Variants in PKIA observed in about 807,000 individuals in gnomAD.
PKIA encodes cAMP-dependent protein kinase inhibitor alpha.
Under a neutral mutation model 7.6 loss-of-function variants are expected in PKIA, and 4 were observed. The ratio of observed to expected loss-of-function variants is 0.52; its 90% confidence interval spans 0.26 to 1.20. The LOEUF is 1.20. PKIA is among the 50% of genes most tolerant of loss of function. PKIA has a pLI of 0.13. For synonymous variants in PKIA, 21 were observed against 30.7 expected (o/e 0.68, Z 1.04); for missense variants, 73 against 86.2 (o/e 0.85, Z 0.61).
intron 1 of PKIA, among the ~76,000 whole-genome samples, chr8:78,553,350 A>C (rs1807035490): frequency 6.6e-6 from 1 of 152,004 alleles, no homozygotes; most frequent in Admixed American, 6.6e-5. Flanking sequence ...TTCTGGCTTT[A>C]TCAAATCACT....
intron 1 of PKIA, among the ~76,000 whole-genome samples, chr8:78,560,037 T>C (rs537467705): frequency 2.0e-5 from 3 of 152,350 alleles, no homozygotes; most frequent in African/African-American, 7.2e-5. Flanking sequence ...GATATCATTT[T>C]GACTTTCACT....
intron 3 of PKIA, among the ~76,000 whole-genome samples, chr8:78,600,653 C>T (rs1808330975): frequency 6.6e-6 from 1 of 152,106 alleles, no homozygotes; most frequent in Non-Finnish European, 1.5e-5. Flanking sequence ...TCATGCGAGC[C>T]TCTCACAATA....
At chr8:78,581,709 C>T (rs547546948) in intron 2 of PKIA, among the ~76,000 whole-genome samples, 2 of 151,918 alleles carry the variant, frequency 1.3e-5, no homozygotes, top group Non-Finnish European at 2.9e-5. Flanking sequence ...AGAAAATGTA[C>T]CAGATAAAAG....
At chr8:78,565,975 G>A (rs760966220) in intron 1 of PKIA, among the ~76,000 whole-genome samples, 1 of 151,876 alleles carries the variant, frequency 6.6e-6, no homozygotes, top group Non-Finnish European at 1.5e-5. Flanking sequence ...ACCAGTGTTC[G>A]ATAAAGATTT....
intron 1 of PKIA, among the ~76,000 whole-genome samples, chr8:78,562,943 G>A (rs922261299): frequency 6.6e-6 from 1 of 151,928 alleles, no homozygotes; most frequent in Non-Finnish European, 1.5e-5. Context: ...GAGACACTAT[G>A]AAAAAAATAT....
chr8:78,527,500 C>A (rs1469372850), intron 1 of PKIA, among the ~76,000 whole-genome samples: 2 of 151,878 alleles, frequency 1.3e-5, no homozygotes, highest in Non-Finnish European at 2.9e-5. Flanking sequence ...TGTGAAAAAT[C>A]TTTGTTTCCA....
intron 2 of PKIA, among the ~76,000 whole-genome samples, chr8:78,592,887 T>C (rs1397401304): frequency 3.9e-5 from 6 of 152,196 alleles, no homozygotes; most frequent in Non-Finnish European, 7.3e-5. Context: ...ATATGTATTA[T>C]CATGGCAGTT....
chr8:78,545,071 T>TA (rs1006605995), intron 1 of PKIA, among the ~76,000 whole-genome samples: 1 of 152,174 alleles, frequency 6.6e-6, no homozygotes, highest in Non-Finnish European at 1.5e-5. Flanking sequence ...ACATGCTTTC[T>TA]ATAATTGCAA....
intron 2 of PKIA, among the ~76,000 whole-genome samples, chr8:78,579,562 G>A (rs1807758107): frequency 6.6e-6 from 1 of 152,074 alleles, no homozygotes; most frequent in Non-Finnish European, 1.5e-5. Flanking sequence ...GAAGATAGTT[G>A]CATTTTCATT....
chr8:78,548,310 C>T lies in PKIA; in HGVS notation c.-156-24501C>T, dbSNP rs1320110203. Among the ~76,000 whole-genome samples, 3 of 152,014 alleles carry T rather than the reference C, an allele frequency of 2.0e-5. No individual in the cohort carries two copies. The East Asian group carries it at 5.8e-4, about 29-fold the overall frequency. On this transcript the variant is annotated intron_variant, in intron 1 of 3. Coordinates refer to ENST00000396418, the MANE Select transcript of PKIA (RefSeq NM_006823.4). ...CTTATTATGCATTTCCAGTCATGAT[C>T]TCCTAGTGTAATTGCATTTAAATTG... is the stretch of plus-strand genomic sequence containing the variant.
chr8:78,602,530 T>G lies in PKIA; in HGVS notation c.*709T>G, dbSNP rs1357301518. ...GCTCATTGTATGTTGATGAGTTGAT[T>G]AAGTCTAACAGATTCATCAAGACTC... On this transcript the variant is annotated 3_prime_UTR_variant, in exon 4 of 4. Transcript: ENST00000396418. 2 of 152,290 alleles carry G rather than the reference T, an allele frequency of 1.3e-5. No homozygotes were observed. The highest frequency in any genetic ancestry group is 2.9e-5 in the Non-Finnish European group (2 of 67,916). 9.4% of individuals were successfully genotyped at this position (152,290 alleles called of 1,614,324 possible).
chr8:78,519,933 C>T (rs147263308), intron 1 of PKIA, among the ~76,000 whole-genome samples: 2 of 152,120 alleles, frequency 1.3e-5, no homozygotes, highest in Admixed American at 6.5e-5. Context: ...ATCTTCCTTC[C>T]CCAACCAGAT....
chr8:78,598,380 T>C lies in PKIA; in HGVS notation c.-5T>C. On this transcript the variant is annotated 5_prime_UTR_variant, in exon 3 of 4. Transcript: ENST00000396418. ...TAGTCCCTGCTATGTGGATATTTGGTAGCAATGACTGATGTGGAAACTACA... is the reference window on the plus strand; with the variant it reads ...TAGTCCCTGCTATGTGGATATTTGGCAGCAATGACTGATGTGGAAACTACA... 6.2e-7 allele frequency: 1 copy of C among 1,606,596 alleles called. No homozygotes were observed. The highest frequency in any genetic ancestry group is 8.5e-7 in the Non-Finnish European group (1 of 1,175,028).
chr8:78,525,579 T>G lies in PKIA; in HGVS notation c.-157+9111T>G, dbSNP rs76333005. ...AGGCAATACTTAAATGTTTAAATTT[T>G]TTCTAATAAAATGGAAAATGAAATA... On this transcript the variant is annotated intron_variant, in intron 1 of 3. Coordinates refer to ENST00000396418, the MANE Select transcript of PKIA (RefSeq NM_006823.4). Among the ~76,000 whole-genome samples the G allele has an allele frequency of 8.0e-3, 1,224 of 152,176 alleles. 12 individuals are homozygous for G. The highest frequency in any genetic ancestry group is 0.027 in the African/African-American group (1,136 of 41,540).
chr8:78,533,445 A>G (rs1806442395), intron 1 of PKIA, among the ~76,000 whole-genome samples: 1 of 152,156 alleles, frequency 6.6e-6, no homozygotes, highest in Admixed American at 6.5e-5. Context: ...TTTATTATGT[A>G]CCTTATTTCA....
chr8:78,530,030 TC>T (rs1486614581), intron 1 of PKIA, among the ~76,000 whole-genome samples: 7 of 152,000 alleles, frequency 4.6e-5, no homozygotes, highest in African/African-American at 1.7e-4. Context: ...TTCTGGAAAA[TC>T]TAGGCTGGCC....
chr8:78,602,138 G>T lies in PKIA; in HGVS notation c.*317G>T. The T allele has an allele frequency of 3.9e-6, 1 of 258,408 alleles. No homozygotes were observed. Among genetic ancestry groups the T allele is most frequent in the Non-Finnish European group, 7.3e-6 (1 of 137,474 alleles). The allele number at this position is 258,408 out of a possible 1,614,324, so 16.0% of individuals were successfully genotyped here. On this transcript the variant is annotated 3_prime_UTR_variant, in exon 4 of 4. Transcript: ENST00000396418. ...GACCTAGATGATGATTCTTCCTGTA[G>T]CATCTGGCCCCTCACAATGTCAGAG...
In PKIA at chr8:78,601,796, G is replaced by A; in HGVS notation, c.206G>A (p.Gly69Glu). 1.9e-6 allele frequency: 3 copies of A among 1,612,354 alleles called. No homozygotes were observed. The highest frequency in any genetic ancestry group is 2.5e-6 in the Non-Finnish European group (3 of 1,178,928). ...SSTEQSGEAQ[G>E]EAAKSES is the part of the protein sequence containing the mutation. ...ACAGAACAAAGTGGGGAAGCCCAGGGAGAAGCAGCAAAATCTGAAAGCTAA... is the reference window on the plus strand; with the variant it reads ...ACAGAACAAAGTGGGGAAGCCCAGGAAGAAGCAGCAAAATCTGAAAGCTAA... Residue 69 changes from glycine to glutamate, a missense_variant, in exon 4 of 4, where the codon GGA becomes GAA. Coordinates refer to ENST00000396418, the MANE Select transcript of PKIA (RefSeq NM_006823.4).
chr8:78,528,515 C>T (rs1806305845), intron 1 of PKIA, among the ~76,000 whole-genome samples: 1 of 152,046 alleles, frequency 6.6e-6, no homozygotes, highest in South Asian at 2.1e-4. Context: ...GAATACATCT[C>T]TCTTAATGTT....
Sources: allele counts gnomAD v4.1 joint callset (sites outside exome capture counted in the v4.1 genomes callset), GRCh38; gene constraint gnomAD v4.1.1; transcripts MANE v1.5; gene names NCBI Gene and HGNC (gene_info 2026-07-23, HGNC 2026-07-21).